DTNB: variants seen among roughly 807,000 people sequenced by gnomAD.
DTNB encodes the protein DTN-B.
Under a neutral mutation model 90.7 loss-of-function variants are expected in DTNB, and 63 were observed. The observed-to-expected ratio is 0.69, with a 90% CI of 0.57 to 0.86. DTNB has a LOEUF of 0.86. Ranked by LOEUF, DTNB falls within the 40% of genes least tolerant of loss-of-function variation. The pLI is 0.00. For missense variants in DTNB, 744 were observed against 807.1 expected (o/e 0.92, Z 0.95); for synonymous variants, 277 against 286.7 (o/e 0.97, Z 0.34).
intron 9 of DTNB, among the ~76,000 whole-genome samples, chr2:25,493,473 A>G (rs1424401038): frequency 6.6e-6 from 1 of 152,116 alleles, no homozygotes; most frequent in East Asian, 1.9e-4. Context: ...TCTTTTCTCT[A>G]TCAAACCACT....
intron 19 of DTNB, among the ~76,000 whole-genome samples, chr2:25,381,289 CTTCT>C (rs1341933961): frequency 6.6e-6 from 1 of 152,166 alleles, no homozygotes; most frequent in East Asian, 1.9e-4. Flanking sequence ...GCCCTCCTGC[CTTCT>C]TTCTTGTCTG....
chr2:25,636,421 C>T (rs2077138199), intron 3 of DTNB, among the ~76,000 whole-genome samples: 1 of 152,172 alleles, frequency 6.6e-6, no homozygotes, highest in South Asian at 2.1e-4. Flanking sequence ...CTTTATATTA[C>T]TAATGCCACT....
intron 8 of DTNB, among the ~76,000 whole-genome samples, chr2:25,549,503 T>C (rs963060187): frequency 1.3e-5 from 2 of 152,196 alleles, no homozygotes; most frequent in African/African-American, 4.8e-5. Flanking sequence ...TTGAATTCTT[T>C]GGCATGTTTT....
chr2:25,607,258 T>C lies in DTNB; in HGVS notation c.426A>G (p.Gly142=), dbSNP rs757233674. Residue 142 remains glycine, a synonymous_variant, in exon 5 of 21, where the codon GGA becomes GGG. Transcript: ENST00000406818. ...TACATCTCAATTTGTCCAGCATTTT[T>C]CCACCACACATGGTTGCTAACATAG... The part of the protein sequence containing the change: ...VKAMLATMCG[G]KMLDKLRYVF... 1.2e-6 allele frequency: 2 copies of C among 1,606,226 alleles called. No homozygotes were observed. Among genetic ancestry groups the C allele is most frequent in the Admixed American group, 1.7e-5 (1 of 59,120 alleles).
intron 4 of DTNB, among the ~76,000 whole-genome samples, chr2:25,627,754 T>G (rs1171629046): frequency 2.7e-5 from 4 of 150,166 alleles, no homozygotes; most frequent in Non-Finnish European, 4.4e-5. Flanking sequence ...TTTTTTTTTT[T>G]AAGACAATGT....
intron 8 of DTNB, among the ~76,000 whole-genome samples, chr2:25,557,081 T>C (rs2151161573): frequency 6.6e-6 from 1 of 152,318 alleles, no homozygotes; most frequent in Middle Eastern, 3.4e-3. Flanking sequence ...ATGGGTTCCA[T>C]GGCAGAACTG....
chr2:25,579,250 T>C (rs1047327661), intron 7 of DTNB, among the ~76,000 whole-genome samples: 1 of 152,232 alleles, frequency 6.6e-6, no homozygotes, highest in African/African-American at 2.4e-5. Context: ...AAGAATCCTG[T>C]TTTAAAAATT....
chr2:25,428,946 G>T (rs999949221), intron 14 of DTNB, among the ~76,000 whole-genome samples: 2 of 152,130 alleles, frequency 1.3e-5, no homozygotes, highest in Admixed American at 6.5e-5. Context: ...TTAAACTGCC[G>T]CTCAAAACAA....
Position 25,576,906 on chromosome 2 carries a change from A to C in DTNB, c.808T>G (p.Cys270Gly). ...CCGCCGGCATGGCCACGCCAAAAGC[A>C]ATTCTGGCAGAGCTGATAGTTGTGG... Reference protein sequence around the residue: ...QCHNYQLCQNCFWRGHAGGPH... With the variant: ...QCHNYQLCQNGFWRGHAGGPH... The change falls in exon 8 of 21, where the codon TGC (cysteine) becomes GGC (glycine). Residue 270 changes from cysteine (C) to glycine (G), a missense_variant. Coordinates refer to ENST00000406818, the MANE Select transcript of DTNB (RefSeq NM_021907.5). 1 of 1,613,474 alleles carries C rather than the reference A, an allele frequency of 6.2e-7. No individual in the cohort carries two copies. The highest frequency in any genetic ancestry group is 8.5e-7 in the Non-Finnish European group (1 of 1,179,718).
intron 12 of DTNB, among the ~76,000 whole-genome samples, chr2:25,446,408 GT>G (rs1040295256): frequency 2.0e-5 from 3 of 147,194 alleles, no homozygotes; most frequent in African/African-American, 7.5e-5. Context: ...GGCTATTTTT[GT>G]TTTTTTTTTC....
intron 4 of DTNB, among the ~76,000 whole-genome samples, chr2:25,615,800 C>G (rs2070240464): frequency 6.6e-6 from 1 of 152,154 alleles, no homozygotes; most frequent in Non-Finnish European, 1.5e-5. Context: ...CCGTAGAAAT[C>G]AACAGGATCA....
intron 8 of DTNB, among the ~76,000 whole-genome samples, chr2:25,548,207 G>A (rs970234720): frequency 6.6e-6 from 1 of 151,998 alleles, no homozygotes. Context: ...CTGAAATCTA[G>A]GTTCCTCTAT....
chr2:25,463,350 C>T (rs1333077394), intron 10 of DTNB, among the ~76,000 whole-genome samples: 3 of 151,548 alleles, frequency 2.0e-5, no homozygotes, highest in African/African-American at 7.2e-5. Flanking sequence ...TTCTCATCAC[C>T]TCCACTGCCG....
chr2:25,407,748 A>G (rs1273704561), intron 16 of DTNB, among the ~76,000 whole-genome samples: 2 of 152,192 alleles, frequency 1.3e-5, no homozygotes, highest in Non-Finnish European at 2.9e-5. Flanking sequence ...ACAGAGTGAT[A>G]TAATGGACTA....
chr2:25,588,562 AC>A (rs1324057638), intron 6 of DTNB, among the ~76,000 whole-genome samples: 1 of 152,102 alleles, frequency 6.6e-6, no homozygotes, highest in Non-Finnish European at 1.5e-5. Flanking sequence ...ACGGGGTTTC[AC>A]CATGTTGGCC....
chr2:25,523,094 T>C (rs2076437020), intron 9 of DTNB, among the ~76,000 whole-genome samples: 1 of 152,320 alleles, frequency 6.6e-6, no homozygotes, highest in African/African-American at 2.4e-5. Flanking sequence ...GGTGAGCCTA[T>C]CAGAAAAGTC....
intron 16 of DTNB, among the ~76,000 whole-genome samples, chr2:25,391,057 C>T (rs147483038): frequency 0.015 from 2,228 of 151,990 alleles, 54 homozygotes; most frequent in African/African-American, 0.05. Flanking sequence ...TCACCACTCC[C>T]GGCTAATTTT....
intron 12 of DTNB, among the ~76,000 whole-genome samples, chr2:25,450,640 G>A (rs1163856057): frequency 6.6e-6 from 1 of 152,126 alleles, no homozygotes; most frequent in Non-Finnish European, 1.5e-5. Context: ...AGGAAAATCT[G>A]CCATCCTAAC....
At chr2:25,527,790 C>T (rs193097646) in intron 9 of DTNB, among the ~76,000 whole-genome samples, 1 of 152,274 alleles carries the variant, frequency 6.6e-6, no homozygotes, top group African/African-American at 2.4e-5. Flanking sequence ...AATCTTCAGG[C>T]TTAGATGGCT....
Sources: gnomAD v4.1 joint callset for allele counts (sites outside exome capture counted in the v4.1 genomes callset) on GRCh38, gnomAD v4.1.1 for gene constraint, MANE v1.5 for transcripts, NCBI Gene and HGNC (gene_info 2026-07-23, HGNC 2026-07-21) for gene names.